ZSCAN29: variants seen among roughly 807,000 people sequenced by gnomAD.
ZSCAN29 encodes the protein zinc finger and SCAN domain containing 29.
A neutral mutation model predicts 71.9 loss-of-function variants in ZSCAN29; 55 were observed. The observed-to-expected ratio is 0.76, with a 90% CI of 0.62 to 0.96. The LOEUF is 0.96. Ranked by LOEUF, ZSCAN29 falls within the 40% of genes least tolerant of loss-of-function variation. The pLI is 0.00. For synonymous variants in ZSCAN29, 351 were observed against 371.6 expected, an observed-to-expected ratio of 0.94 and a Z score of 0.64; for missense variants, 1,042 against 1,042.2, an observed-to-expected ratio of 1.00 and a Z score of 0.00.
At position 43,370,963 on chromosome 15, in the gene ZSCAN29, G is replaced by T. The variant is rs1236025935; in HGVS notation, c.-518C>A. ...CTCCGGGCCAGCCTCACCCACTCGG[G>T]GTCCGACCCTGACCCCGGCCCCGGC... is the stretch of plus-strand genomic sequence containing the variant. On this transcript the variant is annotated 5_prime_UTR_variant, in exon 1 of 6. Transcript: ENST00000684362. 4.6e-6 allele frequency: 1 copy of T among 218,694 alleles called. No homozygotes were observed. Among genetic ancestry groups the T allele is most frequent in the East Asian group, 1.2e-4 (1 of 8,288 alleles). The allele number at this position is 218,694 out of a possible 1,614,324, so 13.5% of individuals were successfully genotyped here.
In ZSCAN29 at chr15:43,366,209, C is replaced by T. The variant is rs1488287720; in HGVS notation, c.1123G>A (p.Glu375Lys). The change falls in exon 4 of 6, where the codon GAG becomes AAG. Residue 375 changes from glutamate (E) to lysine (K), a missense_variant. Glu to Lys is a moderately conservative substitution (Grantham distance 56). Transcript: ENST00000684362. ...CTGTCAGACTCCTGAGCCACAGCCT[C>T]TTCTGCTCCCTCCTCATGCTGCCAG... ...RGWQHEEGAE[E>K]AVAQESDSDD... The T allele has an allele frequency of 6.2e-6, 10 of 1,613,608 alleles. No individual in the cohort carries two copies. Among genetic ancestry groups the T allele is most frequent in the Non-Finnish European group, 6.8e-6 (8 of 1,180,046 alleles).
intron 3 of ZSCAN29, among the ~76,000 whole-genome samples, chr15:43,368,082 C>G (rs995837073): frequency 6.6e-6 from 1 of 152,286 alleles, no homozygotes; most frequent in South Asian, 2.1e-4. Context: ...TATACTGATA[C>G]AAGACATTGC....
rs1413054963 is a variant in ZSCAN29 at position 43,366,322 on chromosome 15, G to A, written c.1010C>T (p.Ala337Val). The change falls in exon 4 of 6, where the codon GCC (alanine) becomes GTC (valine). Residue 337 changes from alanine to valine, a missense_variant. Coordinates refer to ENST00000684362, the MANE Select transcript of ZSCAN29 (RefSeq NM_001372080.1). ...TGCTTCCAGGCCATTACTGGGCAGG[G>A]CAATGACCTGAGCACTCATCAGGGC... ...MEALMSAQVI[A>V]LPSNGLEAAA... 1.9e-6 allele frequency: 3 copies of A among 1,613,012 alleles called. No individual in the cohort carries two copies. The highest frequency in any genetic ancestry group is 2.5e-6 in the Non-Finnish European group (3 of 1,180,032).
rs771187980 is a variant in ZSCAN29 at position 43,361,450 on chromosome 15, GGA to G, written c.2180_2181del (p.Ile727ThrfsTer11). On this transcript the variant is annotated frameshift_variant, in exon 6 of 6. Transcript: ENST00000684362. LOFTEE classifies it high-confidence loss of function. Reference sequence around the variant, plus strand: ...CATTGATAAGGTTTCTCTCCTGTGTGGATTCTCCTATGGGTGATGAAATTTGA... The same window carrying G: ...CATTGATAAGGTTTCTCTCCTGTGTGTTCTCCTATGGGTGATGAAATTTGA... ...DSSNFITHRR[I>X]HTGEKPYQCG... is the part of the protein sequence containing the mutation. 3.7e-6 allele frequency: 6 copies of G among 1,613,542 alleles called. No individual in the cohort carries two copies. The highest frequency in any genetic ancestry group is 5.1e-6 in the Non-Finnish European group (6 of 1,179,486).
chr15:43,368,147 T>TA (rs1473601040), intron 3 of ZSCAN29, among the ~76,000 whole-genome samples: 1 of 152,176 alleles, frequency 6.6e-6, no homozygotes, highest in African/African-American at 2.4e-5. Flanking sequence ...AGGAAAATAA[T>TA]AAACATAATT....
intron 3 of ZSCAN29, among the ~76,000 whole-genome samples, chr15:43,367,952 A>C (rs1052497451): frequency 6.6e-6 from 1 of 152,250 alleles, no homozygotes; most frequent in Non-Finnish European, 1.5e-5. Flanking sequence ...ACTACAAAGA[A>C]GAAAAACAAG....
Position 43,364,252 on chromosome 15 carries a change from T to C in ZSCAN29, c.1353A>G (p.Glu451=), listed in dbSNP as rs1344925628. Residue 451 remains glutamate (E), a synonymous_variant, in exon 5 of 6, where the codon GAA becomes GAG. Transcript: ENST00000684362. The part of the protein sequence containing the change: ...LYGAVAERLW[E]YGFLRTPEQC... ...GTTCTGGGGTCCTAAGAAAGCCATATTCCCATAACCTCTCAGCCACTGCTC... is the reference window on the plus strand; with the variant it reads ...GTTCTGGGGTCCTAAGAAAGCCATACTCCCATAACCTCTCAGCCACTGCTC... The C allele has an allele frequency of 4.3e-6, 7 of 1,614,240 alleles. No individual in the cohort carries two copies. The highest frequency in any genetic ancestry group is 5.9e-6 in the Non-Finnish European group (7 of 1,180,042).
chr15:43,364,869 T>C (rs1595467283), intron 4 of ZSCAN29, among the ~76,000 whole-genome samples: 1 of 122,744 alleles, frequency 8.1e-6, no homozygotes, highest in Non-Finnish European at 1.6e-5. Flanking sequence ...CACTCCAGCC[T>C]GGACAACAAA....
chr15:43,363,692 A>T, intron 5 of ZSCAN29: 3 of 456,586 alleles, frequency 6.6e-6, no homozygotes, highest in Middle Eastern at 5.6e-4. Context: ...GCAAATTTAC[A>T]ATGTGCAGCT....
chr15:43,366,188 C>CA lies in ZSCAN29; in HGVS notation c.1143dup (p.Asp382Ter), dbSNP rs1345522122. The CA allele has an allele frequency of 6.2e-7, 1 of 1,614,092 alleles. No individual in the cohort carries two copies. ...GCCTCTAGATCCATGTCATCACTGT[C>CA]AGACTCCTGAGCCACAGCCTCTTCT... On this transcript the variant is annotated frameshift_variant, in exon 4 of 6. Coordinates refer to ENST00000684362, the MANE Select transcript of ZSCAN29 (RefSeq NM_001372080.1). LOFTEE classifies it high-confidence loss of function.
At chr15:43,369,475 CA>C in intron 2 of ZSCAN29, 120 bp downstream of exon 2, 1 of 1,154,078 alleles carries the variant, frequency 8.7e-7, no homozygotes, top group Non-Finnish European at 1.2e-6. Flanking sequence ...TTACCTATAC[CA>C]GACCAGAAGT....
chr15:43,367,111 A>G (rs2044047592), intron 3 of ZSCAN29, among the ~76,000 whole-genome samples: 1 of 152,212 alleles, frequency 6.6e-6, no homozygotes, highest in African/African-American at 2.4e-5. Context: ...GCTGGGAATA[A>G]TTGTTCTTCA....
Position 43,360,055 on chromosome 15 carries a change from AAAG to A in ZSCAN29, c.*1015_*1017del, listed in dbSNP as rs1283263379. On this transcript the variant is annotated 3_prime_UTR_variant, in exon 6 of 6. Transcript: ENST00000684362. ...CATTTTAGCATTTCCATTATTGTAT[AAAG>A]AAGAGCTGGGCCGGGTGCAGTGGCT... The A allele has an allele frequency of 9.2e-5, 14 of 152,350 alleles. No homozygotes were observed. Among genetic ancestry groups the A allele is most frequent in the African/African-American group, 2.4e-4 (10 of 41,572 alleles). The allele number at this position is 152,350 out of a possible 1,614,324, so 9.4% of individuals were successfully genotyped here.
rs905095067 is a variant in ZSCAN29 at position 43,364,132 on chromosome 15, A to G, written c.1473T>C (p.Asp491=). 1 of 1,614,178 alleles carries G rather than the reference A, an allele frequency of 6.2e-7. No individual in the cohort carries two copies. The highest frequency in any genetic ancestry group is 1.3e-5 in the African/African-American group (1 of 75,040). Residue 491 remains aspartate, a synonymous_variant, in exon 5 of 6, where the codon GAT becomes GAC. Transcript: ENST00000684362. ...PETCPFFEEM[D]ALVSVRVAAP... is the part of the protein sequence containing the mutation. ...CAGCAACCCGGACACTCACCAAAGCATCCATCTCTTCAAAGAAGGGACAGG... is the reference window on the plus strand; with the variant it reads ...CAGCAACCCGGACACTCACCAAAGCGTCCATCTCTTCAAAGAAGGGACAGG...
chr15:43,364,538 T>C, intron 4 of ZSCAN29, 156 bp from the exon 5 acceptor site: 1 of 756,004 alleles, frequency 1.3e-6, no homozygotes, highest in Non-Finnish European at 2.3e-6. Flanking sequence ...ACAAACTCAG[T>C]ATAGAATGTT....
At chr15:43,370,265 T>G in intron 1 of ZSCAN29, 2 of 247,690 alleles carry the variant, frequency 8.1e-6, no homozygotes, top group Admixed American at 5.1e-5. Flanking sequence ...CCCATTTAAC[T>G]TCCCTGGCCA....
Position 43,361,451 on chromosome 15 carries a change from G to T in ZSCAN29, c.2181C>A (p.Ile727=). ...ATTGATAAGGTTTCTCTCCTGTGTGGATTCTCCTATGGGTGATGAAATTTG... is the reference window on the plus strand; with the variant it reads ...ATTGATAAGGTTTCTCTCCTGTGTGTATTCTCCTATGGGTGATGAAATTTG... The part of the protein sequence containing the change: ...DSSNFITHRR[I]HTGEKPYQCG... The change falls in exon 6 of 6, where the codon ATC becomes ATA. Residue 727 remains isoleucine (I), a synonymous_variant. Coordinates refer to ENST00000684362, the MANE Select transcript of ZSCAN29 (RefSeq NM_001372080.1). 1 of 1,614,134 alleles carries T rather than the reference G, an allele frequency of 6.2e-7. No individual in the cohort carries two copies. Among genetic ancestry groups the T allele is most frequent in the South Asian group, 1.1e-5 (1 of 91,080 alleles).
At chr15:43,366,986 T>G (rs2044046231) in intron 3 of ZSCAN29, among the ~76,000 whole-genome samples, 178 bp from the exon 4 acceptor site, 1 of 152,138 alleles carries the variant, frequency 6.6e-6, no homozygotes, top group African/African-American at 2.4e-5. Flanking sequence ...CCTCAAAAGA[T>G]GAGAAATGTT....
rs377557566 is a variant in ZSCAN29, at chr15:43,361,061, A to G, written c.*12T>C. ...TTTATTGAGCCTCTTTCCGTTATAT[A>G]TCCTCAGGGGCTTACTTGGGAGCTG... On this transcript the variant is annotated 3_prime_UTR_variant, in exon 6 of 6. Coordinates refer to ENST00000684362, the MANE Select transcript of ZSCAN29 (RefSeq NM_001372080.1). 6.6e-5 allele frequency: 104 copies of G among 1,570,846 alleles called. No homozygotes were observed. Among genetic ancestry groups the G allele is most frequent in the Non-Finnish European group, 8.8e-5 (102 of 1,157,578 alleles).
Sources: gnomAD v4.1 joint callset for allele counts (sites outside exome capture counted in the v4.1 genomes callset) on GRCh38, gnomAD v4.1.1 for gene constraint, MANE v1.5 for transcripts, NCBI Gene and HGNC (gene_info 2026-07-23, HGNC 2026-07-21) for gene names.